Variants in NAALADL2 observed in about 807,000 individuals in gnomAD.
NAALADL2 encodes inactive N-acetylated-alpha-linked acidic dipeptidase-like protein 2.
In NAALADL2, 76 loss-of-function variants were observed where a neutral mutation model predicts 87.2. The ratio of observed to expected loss-of-function variants is 0.87; its 90% CI spans 0.72 to 1.05. The LOEUF is 1.05. NAALADL2 is among the 50% of genes least tolerant of loss of function. The pLI, the probability that NAALADL2 is intolerant of heterozygous loss-of-function variation, is 0.00. For missense variants in NAALADL2, 1,089 were observed against 945.8 expected (o/e 1.15, Z -1.99); for synonymous variants, 354 against 331.0 (o/e 1.07, Z -0.75).
At chr3:175,487,782 T>C (rs1727515730) in intron 9 of NAALADL2, 1 of 289,122 alleles carries the variant, frequency 3.5e-6, no homozygotes, top group Non-Finnish European at 6.8e-6. Context: ...CTTGGAAGAC[T>C]GTGTGTATGT....
chr3:174,727,132 A>T (rs1208637522), intron 2 of NAALADL2, among the ~76,000 whole-genome samples: 3 of 151,940 alleles, frequency 2.0e-5, no homozygotes, highest in Non-Finnish European at 4.4e-5. Context: ...AAGGAGTTGT[A>T]TATAATTTTT....
chr3:175,773,344 T>A (rs1489502904), intron 13 of NAALADL2: 2 of 152,162 alleles, frequency 1.3e-5, no homozygotes, highest in African/African-American at 2.4e-5. Flanking sequence ...TTTTCTGTTA[T>A]TTCTTTTTTT....
chr3:175,128,625 G>C (rs931745142), intron 2 of NAALADL2, among the ~76,000 whole-genome samples: 1 of 152,060 alleles, frequency 6.6e-6, no homozygotes, highest in African/African-American at 2.4e-5. Flanking sequence ...GGAATACAAG[G>C]AGAAATGTAT....
intron 1 of NAALADL2, among the ~76,000 whole-genome samples, chr3:175,061,635 C>T (rs1713508168): frequency 1.3e-5 from 2 of 151,744 alleles, no homozygotes; most frequent in Admixed American, 1.3e-4. Flanking sequence ...TAAATTTCCT[C>T]AGTCTTAGGA....
intron 1 of NAALADL2, among the ~76,000 whole-genome samples, chr3:175,084,348 G>T (rs973271392): frequency 2.0e-5 from 3 of 152,080 alleles, no homozygotes; most frequent in African/African-American, 7.2e-5. Context: ...CCGGCAAGTT[G>T]GGTCTAAAGG....
At chr3:174,860,543 C>G (rs1303068813) in intron 1 of NAALADL2, among the ~76,000 whole-genome samples, 1 of 152,002 alleles carries the variant, frequency 6.6e-6, no homozygotes, top group South Asian at 2.1e-4. Flanking sequence ...TTATTTGTCT[C>G]TAATATTTTT....
chr3:174,699,147 G>A (rs1729314789), intron 2 of NAALADL2, among the ~76,000 whole-genome samples: 1 of 151,984 alleles, frequency 6.6e-6, no homozygotes, highest in Non-Finnish European at 1.5e-5. Flanking sequence ...TACTTCCTTT[G>A]TAACATTATG....
chr3:174,730,543 T>A (rs1159967241), intron 2 of NAALADL2, among the ~76,000 whole-genome samples: 1 of 152,184 alleles, frequency 6.6e-6, no homozygotes, highest in Non-Finnish European at 1.5e-5. Flanking sequence ...TTTAGGCATA[T>A]GAAATTTATG....
rs576829582 is a variant in NAALADL2 at position 175,112,233 on chromosome 3, C to G, written c.545+14942C>G. Among the ~76,000 whole-genome samples the G allele has an allele frequency of 1.3e-4, 20 of 151,496 alleles. No individual in the cohort carries two copies. In the South Asian group the frequency reaches 3.7e-3, roughly 28 times the overall value. ...GAGTGTTGCCCAGCCCATGTCTCTT[C>G]TTGGTGTCTCCCGCCTCCTCTCAAC... On this transcript the variant is annotated intron_variant, in intron 2 of 13. Transcript: ENST00000454872.
At chr3:174,868,191 C>A (rs1727386126) in intron 1 of NAALADL2, among the ~76,000 whole-genome samples, 1 of 151,782 alleles carries the variant, frequency 6.6e-6, no homozygotes, top group Non-Finnish European at 1.5e-5. Flanking sequence ...ATGCTTTTAC[C>A]TTTGGATAAA....
intron 2 of NAALADL2, among the ~76,000 whole-genome samples, chr3:174,611,923 CTT>C (rs796158684): frequency 6.9e-5 from 10 of 144,816 alleles, no homozygotes; most frequent in Admixed American, 1.4e-4. Context: ...GATTAATGTC[CTT>C]TTTTTTTTTT....
intron 2 of NAALADL2, among the ~76,000 whole-genome samples, chr3:175,221,624 A>T (rs1332544335): frequency 1.3e-5 from 2 of 152,088 alleles, no homozygotes; most frequent in African/African-American, 4.8e-5. Context: ...AACCTCTCTT[A>T]TTTAACCAGA....
intron 1 of NAALADL2, among the ~76,000 whole-genome samples, chr3:175,090,208 A>T (rs1016025677): frequency 6.6e-6 from 1 of 152,132 alleles, no homozygotes; most frequent in Admixed American, 6.6e-5. Context: ...CACCCCTGAG[A>T]AAAAGAGTTT....
chr3:175,194,675 T>C (rs1247299080), intron 2 of NAALADL2, among the ~76,000 whole-genome samples: 1 of 151,866 alleles, frequency 6.6e-6, no homozygotes, highest in Non-Finnish European at 1.5e-5. Context: ...ATGAGGTATT[T>C]TTAAAATTAA....
rs1335003803 is a variant in NAALADL2, at chr3:175,448,032, G to A, written c.1234+660G>A. 4.6e-5 allele frequency among the ~76,000 whole-genome samples: 7 copies of A among 152,094 alleles called. No individual in the cohort carries two copies. The East Asian group carries it at 1.2e-3, about 25-fold the overall frequency. On this transcript the variant is annotated intron_variant, in intron 6 of 13. Transcript: ENST00000454872. ...CTATTTGCTAGGAACTACACCTTGT[G>A]GGCTCTTTTTTGTGTCCAGACCTCT...
At chr3:175,077,590 A>C (rs111305449) in intron 1 of NAALADL2, among the ~76,000 whole-genome samples, 1 of 152,152 alleles carries the variant, frequency 6.6e-6, no homozygotes, top group Non-Finnish European at 1.5e-5. Flanking sequence ...TGAGCTTTTT[A>C]ATATATTTAC....
chr3:174,714,734 C>T (rs2108929121), intron 2 of NAALADL2, among the ~76,000 whole-genome samples: 1 of 152,266 alleles, frequency 6.6e-6, no homozygotes, highest in Middle Eastern at 3.4e-3. Context: ...ACAATCATGT[C>T]ATCTGCAAAC....
At chr3:174,767,626 C>T (rs987317499) in intron 3 of NAALADL2, among the ~76,000 whole-genome samples, 1 of 152,120 alleles carries the variant, frequency 6.6e-6, no homozygotes, top group African/African-American at 2.4e-5. Context: ...GTAATGGGGC[C>T]ATGGCTTACC....
chr3:174,748,562 T>A (rs1261909032), intron 3 of NAALADL2, among the ~76,000 whole-genome samples: 1 of 152,168 alleles, frequency 6.6e-6, no homozygotes, highest in Non-Finnish European at 1.5e-5. Context: ...TGTGGTGATT[T>A]GTTACAGTAG....
Sources: gnomAD v4.1 joint callset for allele counts (sites outside exome capture counted in the v4.1 genomes callset) on GRCh38, gnomAD v4.1.1 for gene constraint, MANE v1.5 for transcripts, NCBI Gene and HGNC (gene_info 2026-07-23, HGNC 2026-07-21) for gene names.